The following CHM variants were observed in gnomAD, a reference collection of about 807,000 sequenced individuals.
CHM encodes rab proteins geranylgeranyltransferase component A 1.
Under a neutral mutation model 49.0 loss-of-function variants are expected in CHM, and 10 were observed. That is an observed-to-expected ratio of 0.20 (90% CI 0.13 to 0.35). The LOEUF (loss-of-function observed/expected upper bound fraction) is 0.35. CHM is among the 10% of genes least tolerant of loss of function. The pLI is 1.00. For missense variants in CHM, 455 were observed against 478.4 expected, an observed-to-expected ratio of 0.95 and a Z score of 0.46; for synonymous variants, 184 against 167.5, an observed-to-expected ratio of 1.10 and a Z score of -0.76.
chrX:85,889,878 A>C (rs973630535), intron 12 of CHM, among the ~76,000 whole-genome samples: 2 of 112,139 alleles, frequency 1.8e-5, no homozygotes, highest in African/African-American at 6.5e-5. Flanking sequence ...CATAAAATCA[A>C]AGAAAATCAT....
intron 2 of CHM, among the ~76,000 whole-genome samples, chrX:85,998,106 T>C (rs1009419197): frequency 9.0e-6 from 1 of 111,300 alleles, no homozygotes; most frequent in Non-Finnish European, 1.9e-5. Flanking sequence ...TATGGTCTCA[T>C]TTCGTTTTGT....
At chrX:86,003,293 A>G (rs1194455680) in intron 2 of CHM, among the ~76,000 whole-genome samples, 1 of 112,395 alleles carries the variant, frequency 8.9e-6, no homozygotes, top group African/African-American at 3.2e-5. Flanking sequence ...ATAAAACCAC[A>G]AAGATGGGGA....
chrX:85,890,847 A>G (rs1925399016), intron 12 of CHM, among the ~76,000 whole-genome samples: 1 of 111,847 alleles, frequency 8.9e-6, no homozygotes, highest in South Asian at 3.8e-4. Context: ...TGGAGGGCTC[A>G]GAAGAAGACA....
intron 14 of CHM, among the ~76,000 whole-genome samples, chrX:85,872,579 T>C (rs888803160): frequency 8.9e-6 from 1 of 111,995 alleles, no homozygotes; most frequent in Admixed American, 9.5e-5. Context: ...AACTACGCTA[T>C]AACTTATTTT....
At chrX:86,027,397 T>C (rs1933869969) in intron 2 of CHM, 94 bp downstream of exon 2, 2 of 710,226 alleles carry the variant, frequency 2.8e-6, no homozygotes, top group Admixed American at 4.7e-5. Context: ...TACACATACA[T>C]GTACATACGT....
chrX:85,929,672 C>T (rs1259313555), intron 8 of CHM, among the ~76,000 whole-genome samples: 2 of 112,025 alleles, frequency 1.8e-5, no homozygotes, highest in African/African-American at 6.5e-5. Flanking sequence ...ATAGTCAATT[C>T]CTCCCTTAAC....
In CHM at chrX:85,972,874, G is replaced by A. The variant is rs964305947; in HGVS notation, c.314+5893C>T. Reference sequence around the variant, plus strand: ...TGGGAACCCAGGCAGAGGAGGCGCCGAGAGCAAGCGAGGGCTCTGAGGACT... The same window carrying A: ...TGGGAACCCAGGCAGAGGAGGCGCCAAGAGCAAGCGAGGGCTCTGAGGACT... On this transcript the variant is annotated intron_variant, in intron 4 of 14. Coordinates refer to ENST00000357749, the MANE Select transcript of CHM (RefSeq NM_000390.4). Among the ~76,000 whole-genome samples, 8 of 112,538 alleles carry A rather than the reference G, an allele frequency of 7.1e-5. 1 individual carries two copies. The Middle Eastern group carries it at 0.014, about 194-fold the overall frequency.
At chrX:85,920,289 G>GCTA (rs1927714718) in intron 8 of CHM, among the ~76,000 whole-genome samples, 1 of 109,694 alleles carries the variant, frequency 9.1e-6, no homozygotes, top group Non-Finnish European at 1.9e-5. Context: ...GTAGAGACGG[G>GCTA]GTTTCACCGT....
At chrX:85,903,909 A>G in intron 9 of CHM, among the ~76,000 whole-genome samples, 1 of 111,439 alleles carries the variant, frequency 9.0e-6, no homozygotes, top group East Asian at 2.8e-4. Context: ...ATCACGCTGA[A>G]GTACTAAGAC....
In CHM at chrX:85,879,077, A is replaced by T. The variant is rs1177277074; in HGVS notation, c.1511-14T>A. ...AATGAACCAAATCTGTTAAAAAAAA[A>T]ATATTTGAGTTCCTTGTCATCACAA... On this transcript the variant is annotated splice_polypyrimidine_tract_variant and intron_variant, in intron 12 of 14. Transcript: ENST00000357749. 1.9e-6 allele frequency: 2 copies of T among 1,080,717 alleles called. No individual in the cohort carries two copies. Among genetic ancestry groups the T allele is most frequent in the Admixed American group, 2.3e-5 (1 of 44,396 alleles). The allele number at this position is 1,080,717 out of a possible 1,213,427, so 89.1% of individuals were successfully genotyped here. A position where few individuals can be genotyped will look rare whatever the true frequency, so the allele number is the denominator to read the frequency against.
At chrX:86,031,065 C>T (rs755878503) in intron 1 of CHM, among the ~76,000 whole-genome samples, 19 of 110,877 alleles carry the variant, frequency 1.7e-4, no homozygotes, top group Non-Finnish European at 3.0e-4. Context: ...AAACATAAAG[C>T]CAGTGACAGA....
intron 2 of CHM, among the ~76,000 whole-genome samples, chrX:86,005,634 C>T (rs1339128940): frequency 8.9e-6 from 1 of 112,161 alleles, no homozygotes; most frequent in East Asian, 2.8e-4. Context: ...ACTATAAACA[C>T]CTCTACGCAA....
In CHM at chrX:85,878,993, C is replaced by G; in HGVS notation, c.1581G>C (p.Leu527Phe). ...TCTCCATTTCAGTATATGGAACAAA[C>G]AATTTCTGCACAACTGATTCTAAAT... is the stretch of plus-strand genomic sequence containing the variant. ...REDLESVVQK[L>F]FVPYTEMEIE... The change falls in exon 13 of 15, where the codon TTG (leucine) becomes TTC (phenylalanine). Residue 527 changes from leucine (L) to phenylalanine (F), a missense_variant. Physicochemically the swap from Leu to Phe is conservative, Grantham distance 22. Transcript: ENST00000357749. The G allele has an allele frequency of 8.3e-7, 1 of 1,201,252 alleles. No homozygotes were observed.
intron 1 of CHM, among the ~76,000 whole-genome samples, chrX:86,030,241 T>C (rs959573750): frequency 8.9e-6 from 1 of 112,732 alleles, no homozygotes; most frequent in African/African-American, 3.2e-5. Flanking sequence ...TTTGTGTTTT[T>C]CCTTAATACT....
intron 12 of CHM, 47 bp downstream of exon 12, chrX:85,894,141 C>A: frequency 2.1e-6 from 2 of 958,514 alleles, no homozygotes; most frequent in Non-Finnish European, 3.0e-6. Context: ...GCCCCCTTTA[C>A]CCCCTAAACA....
chrX:86,030,784 A>C (rs1373790508), intron 1 of CHM, among the ~76,000 whole-genome samples: 1 of 110,537 alleles, frequency 9.0e-6, no homozygotes, highest in Non-Finnish European at 1.9e-5. Context: ...CGGAAAAAGG[A>C]AAGTGGAAAG....
At chrX:85,951,837 T>C (rs1043430672) in intron 8 of CHM, among the ~76,000 whole-genome samples, 4 of 112,703 alleles carry the variant, frequency 3.5e-5, no homozygotes, top group Non-Finnish European at 7.5e-5. Context: ...CAGTCTTGAA[T>C]GGTCAATGCC....
chrX:86,011,732 T>G (rs1170429755), intron 2 of CHM, among the ~76,000 whole-genome samples: 4 of 111,558 alleles, frequency 3.6e-5, no homozygotes, highest in Non-Finnish European at 7.5e-5. Flanking sequence ...ATTATCCAGG[T>G]AGGCCCTAAT....
intron 2 of CHM, among the ~76,000 whole-genome samples, chrX:85,997,613 C>A (rs1176518385): frequency 3.6e-5 from 4 of 110,997 alleles, no homozygotes; most frequent in Admixed American, 2.9e-4. Flanking sequence ...ACCTACCCTA[C>A]CTTACAAAGC....
Sources: gnomAD v4.1 joint callset for allele counts (sites outside exome capture counted in the v4.1 genomes callset) on GRCh38, gnomAD v4.1.1 for gene constraint, MANE v1.5 for transcripts, NCBI Gene and HGNC (gene_info 2026-07-23, HGNC 2026-07-21) for gene names.